Variants in SLC13A2 observed in about 807,000 individuals in gnomAD.
The protein encoded by SLC13A2 is Na(+)-coupled citrate transporter.
In SLC13A2, 40 loss-of-function variants were observed where a neutral mutation model predicts 58.5. That is an observed-to-expected ratio of 0.68 (90% CI 0.53 to 0.89). The LOEUF (loss-of-function observed/expected upper bound fraction) is 0.89, where lower values mean the gene tolerates loss of function less well. Among genes scored for constraint, SLC13A2 ranks in the 40% least tolerant of loss-of-function variants. The probability of loss-of-function intolerance (pLI) is 0.00; values close to 1 mark genes in which losing one functional copy is unlikely to be tolerated. For synonymous variants in SLC13A2, 341 were observed against 331.6 expected (o/e 1.03, Z -0.31); for missense variants, 694 against 772.6 (o/e 0.90, Z 1.21).
At chr17:28,489,113 C>A in intron 1 of SLC13A2, 101 bp from the exon 2 acceptor site, 1 of 1,372,316 alleles carries the variant, frequency 7.3e-7, no homozygotes, top group Non-Finnish European at 1.0e-6. Flanking sequence ...AGGCTCTCCC[C>A]AGGCAGTCAC....
Position 28,496,501 on chromosome 17 carries a change from G to A in SLC13A2, c.1522G>A (p.Ala508Thr), listed in dbSNP as rs2069146222. ...PLYVMLPCTL[A>T]TSLAFMLPVA... Reference sequence around the variant, plus strand: ...CTACGTCATGCTCCCCTGCACTCTGGCCACCTCCCTGGCCTTCATGTTGCC... The same window carrying A: ...CTACGTCATGCTCCCCTGCACTCTGACCACCTCCCTGGCCTTCATGTTGCC... Residue 508 changes from alanine (A) to threonine (T), a missense_variant, in exon 11 of 12, where the codon GCC (alanine) becomes ACC (threonine). Ala to Thr is a moderately conservative substitution (Grantham distance 58). Transcript: ENST00000314669. The surrounding 1 kb of genome is among the most constrained non-coding windows in gnomAD (Gnocchi z 4.2). 1 of 1,612,462 alleles carries A rather than the reference G, an allele frequency of 6.2e-7. No individual in the cohort carries two copies.
chr17:28,474,970 C>T (rs1555599640), intron 1 of SLC13A2, among the ~76,000 whole-genome samples: 1 of 152,218 alleles, frequency 6.6e-6, no homozygotes, highest in East Asian at 1.9e-4. Flanking sequence ...GATAGTGGCA[C>T]AGCCCCTGGG....
chr17:28,495,677 T>C lies in SLC13A2; in HGVS notation c.1331T>C (p.Leu444Pro). ...GSERSGLSEW[L>P]GNKLTPLQSV... ...CAGCGATCGGGCCTGTCAGAGTGGCTGGGAAACAAGCTGACCCCACTGCAG... is the reference window on the plus strand; with the variant it reads ...CAGCGATCGGGCCTGTCAGAGTGGCCGGGAAACAAGCTGACCCCACTGCAG... Residue 444 changes from leucine (L) to proline (P), a missense_variant, in exon 10 of 12, where the codon CTG (leucine) becomes CCG (proline). Transcript: ENST00000314669. The C allele has an allele frequency of 1.2e-6, 2 of 1,611,374 alleles. No homozygotes were observed. The highest frequency in any genetic ancestry group is 1.7e-6 in the Non-Finnish European group (2 of 1,179,892).
Position 28,489,354 on chromosome 17 carries a change from C to T in SLC13A2, c.231+12C>T, listed in dbSNP as rs782814004. 6.2e-7 allele frequency: 1 copy of T among 1,606,628 alleles called. No individual in the cohort carries two copies. Among genetic ancestry groups the T allele is most frequent in the South Asian group, 1.1e-5 (1 of 90,290 alleles). On this transcript the variant is annotated intron_variant, in intron 2 of 11. Coordinates refer to ENST00000314669, the MANE Select transcript of SLC13A2 (RefSeq NM_003984.4). The stretch of plus-strand genomic sequence containing the variant: ...TGGATGCCTCTGAGGTGAGCCCCAT[C>T]CATAGGAGAAAGCGTTCTGGGCAGT...
intron 2 of SLC13A2, 86 bp from the exon 3 acceptor site, chr17:28,490,368 T>A (rs1186928464): frequency 6.2e-7 from 1 of 1,613,758 alleles, no homozygotes; most frequent in Non-Finnish European, 8.5e-7. Flanking sequence ...TCTGTGGGAA[T>A]GTCAGTGACT....
intron 1 of SLC13A2, among the ~76,000 whole-genome samples, chr17:28,485,591 G>T (rs1567850356): frequency 6.6e-6 from 1 of 152,176 alleles, no homozygotes; most frequent in Non-Finnish European, 1.5e-5. Flanking sequence ...AACACTGACA[G>T]CTCCTCAGTC....
chr17:28,475,172 G>A (rs1221100288), intron 1 of SLC13A2, among the ~76,000 whole-genome samples: 1 of 152,192 alleles, frequency 6.6e-6, no homozygotes. Flanking sequence ...TCGACCTGGG[G>A]AAGCACAGCA....
chr17:28,477,673 T>C (rs1555600358), intron 1 of SLC13A2, among the ~76,000 whole-genome samples: 2 of 152,208 alleles, frequency 1.3e-5, no homozygotes, highest in African/African-American at 4.8e-5. Flanking sequence ...AATAATAATA[T>C]TGACATTTGT....
rs1182775482 is a variant in SLC13A2 at position 28,496,923 on chromosome 17, A to C, written c.1609-176A>C. ...AGGAGCGCCCCTTTCCCCTGTTAGC[A>C]CAGGGAGTAAAGCAAGGGGCAAAGG... On this transcript the variant is annotated intron_variant, in intron 11 of 11. Transcript: ENST00000314669. This position sits in a 1 kb window ranked among gnomAD's most constrained non-coding sequence, Gnocchi z 4.2. Among the ~76,000 whole-genome samples the C allele has an allele frequency of 6.6e-6, 1 of 152,178 alleles. No individual in the cohort carries two copies. The highest frequency in any genetic ancestry group is 1.5e-5 in the Non-Finnish European group (1 of 68,006).
Position 28,490,306 on chromosome 17 carries a change from G to A in SLC13A2, c.232-148G>A, listed in dbSNP as rs782742867. ...TTAAATTTATTTTTTTTAAATGGCA[G>A]ATCATTCAGAGACCATTTCCATCCA... On this transcript the variant is annotated intron_variant, in intron 2 of 11. Transcript: ENST00000314669. The A allele has an allele frequency of 6.3e-6, 10 of 1,585,330 alleles. No individual in the cohort carries two copies. In the South Asian group the frequency reaches 1.0e-4, roughly 16 times the overall value.
intron 1 of SLC13A2, among the ~76,000 whole-genome samples, chr17:28,486,433 C>T (rs1384439169): frequency 2.6e-5 from 4 of 152,210 alleles, no homozygotes; most frequent in African/African-American, 4.8e-5. Context: ...AGTTAAGAAT[C>T]TCATGATGCA....
chr17:28,484,391 G>A (rs540283122), intron 1 of SLC13A2, among the ~76,000 whole-genome samples: 60 of 152,280 alleles, frequency 3.9e-4, no homozygotes, highest in African/African-American at 1.3e-3. Context: ...AGAGGAAATC[G>A]TGTGCAGAGG....
chr17:28,490,722 G>A lies in SLC13A2; in HGVS notation c.390G>A (p.Leu130=). 2 of 1,613,906 alleles carry A rather than the reference G, an allele frequency of 1.2e-6. No homozygotes were observed. The highest frequency in any genetic ancestry group is 1.7e-6 in the Non-Finnish European group (2 of 1,179,884). ...CTAGGCTAATCCTGGGCTTCATGCT[G>A]GTCACGGCCTTCCTGTCCATGTGGA... ...RPAPLILGFM[L]VTAFLSMWIS... The change falls in exon 4 of 12, where the codon CTG becomes CTA. Residue 130 remains leucine (L), a synonymous_variant. Transcript: ENST00000314669.
At chr17:28,477,257 A>G (rs1396769868) in intron 1 of SLC13A2, among the ~76,000 whole-genome samples, 6 of 145,422 alleles carry the variant, frequency 4.1e-5, no homozygotes, top group South Asian at 2.2e-4. Flanking sequence ...GCAGTGGCAC[A>G]ATCTTGGCTC....
chr17:28,493,810 G>A (rs782020316), intron 7 of SLC13A2, 21 bp downstream of exon 7: 22 of 1,613,168 alleles, frequency 1.4e-5, no homozygotes, highest in African/African-American at 1.1e-4. Flanking sequence ...CAGGGGTTGG[G>A]AGGAGGACAC....
In SLC13A2 at chr17:28,497,465, CAT is replaced by C. The variant is rs1330198932; in HGVS notation, c.*197_*198del. ...TATGTGCTGGAATAAAAGGTGTGTG[CAT>C]GTGTGTGTGCGCATATGTGTGCGCC... On this transcript the variant is annotated 3_prime_UTR_variant, in exon 12 of 12. Coordinates refer to ENST00000314669, the MANE Select transcript of SLC13A2 (RefSeq NM_003984.4). 4 of 630,434 alleles carry C rather than the reference CAT, an allele frequency of 6.3e-6. No homozygotes were observed. Among genetic ancestry groups the C allele is most frequent in the African/African-American group, 1.8e-5 (1 of 54,538 alleles). The allele number at this position is 630,434 out of a possible 1,614,324, so 39.1% of individuals were successfully genotyped here.
At chr17:28,484,729 A>G (rs1315670511) in intron 1 of SLC13A2, among the ~76,000 whole-genome samples, 1 of 152,198 alleles carries the variant, frequency 6.6e-6, no homozygotes, top group East Asian at 1.9e-4. Context: ...TGAGACTTGG[A>G]CCAGGCTAGT....
In SLC13A2 at chr17:28,493,599, A is replaced by G; in HGVS notation, c.907A>G (p.Lys303Glu). The G allele has an allele frequency of 1.2e-6, 2 of 1,607,528 alleles. No homozygotes were observed. The highest frequency in any genetic ancestry group is 1.7e-6 in the Non-Finnish European group (2 of 1,174,766). Residue 303 changes from lysine (K) to glutamate (E), a missense_variant, in exon 7 of 12, where the codon AAG (lysine) becomes GAG (glutamate). Lys to Glu is a moderately conservative substitution (Grantham distance 56, BLOSUM62 1). Coordinates refer to ENST00000314669, the MANE Select transcript of SLC13A2 (RefSeq NM_003984.4). The stretch of plus-strand genomic sequence containing the variant: ...CCGGAAGAACTTTGGCATTGGGGAA[A>G]AGATGCAGGAGCAACAGCAGGCAGC... ...NFRKNFGIGE[K>E]MQEQQQAAYC...
At chr17:28,479,443 AG>A (rs1252075384) in intron 1 of SLC13A2, among the ~76,000 whole-genome samples, 1 of 152,108 alleles carries the variant, frequency 6.6e-6, no homozygotes, top group Non-Finnish European at 1.5e-5. Context: ...CAGCCCTACA[AG>A]GCTACAGGGA....
Sources: gnomAD v4.1 joint callset for allele counts (sites outside exome capture counted in the v4.1 genomes callset) on GRCh38, gnomAD v4.1.1 for gene constraint, Gnocchi (gnomAD v3.1) non-coding constraint, MANE v1.5 for transcripts, NCBI Gene and HGNC (gene_info 2026-07-23, HGNC 2026-07-21) for gene names.